Variants in ADAM12 observed in about 807,000 individuals in gnomAD.
ADAM12 encodes the protein disintegrin and metalloproteinase domain-containing protein 12.
A neutral mutation model predicts 106.4 loss-of-function variants in ADAM12; 70 were observed. The observed-to-expected ratio is 0.66, with a 90% CI of 0.54 to 0.80. The LOEUF (loss-of-function observed/expected upper bound fraction) is 0.80. Ranked by LOEUF, ADAM12 falls within the 30% of genes least tolerant of loss-of-function variation. The pLI is 0.00. For synonymous variants in ADAM12, 420 were observed against 433.5 expected (o/e 0.97, Z 0.39); for missense variants, 1,010 against 1,171.9 (o/e 0.86, Z 2.02).
At chr10:126,257,151 C>T (rs374850394) in intron 3 of ADAM12, among the ~76,000 whole-genome samples, 1 of 152,204 alleles carries the variant, frequency 6.6e-6, no homozygotes, top group African/African-American at 2.4e-5. Flanking sequence ...TTCCCTTTCA[C>T]TTGACAGCAA....
At position 126,014,777 on chromosome 10, in the gene ADAM12, G is replaced by A. The variant is rs1375832798; in HGVS notation, c.*2502C>T. On this transcript the variant is annotated 3_prime_UTR_variant, in exon 23 of 23. Coordinates refer to ENST00000448723, the MANE Select transcript of ADAM12 (RefSeq NM_001288973.2). ...TGTGTCTAGTCACATTGACTTTCCAGGTGATGGCCCTACAAAACTCAAACC... is the reference window on the plus strand; with the variant it reads ...TGTGTCTAGTCACATTGACTTTCCAAGTGATGGCCCTACAAAACTCAAACC... The A allele has an allele frequency of 2.0e-5, 3 of 152,028 alleles. No individual in the cohort carries two copies. The highest frequency in any genetic ancestry group is 2.9e-5 in the Non-Finnish European group (2 of 68,022). 9.4% of individuals were successfully genotyped at this position (152,028 alleles called of 1,614,324 possible). A position where few individuals can be genotyped will look rare whatever the true frequency, so the allele number is the denominator to read the frequency against.
chr10:126,051,520 TCCAG>T (rs1296821421), intron 14 of ADAM12, among the ~76,000 whole-genome samples: 1 of 138,612 alleles, frequency 7.2e-6, no homozygotes, highest in Non-Finnish European at 1.6e-5. Context: ...CATCCATCCA[TCCAG>T]CCAGCCAGCC....
At chr10:126,382,550 A>G (rs1856532493) in intron 1 of ADAM12, among the ~76,000 whole-genome samples, 1 of 152,212 alleles carries the variant, frequency 6.6e-6, no homozygotes, top group South Asian at 2.1e-4. Context: ...TCTTCCTTGG[A>G]GAAATTGACC....
rs1270838218 is a variant in ADAM12, at chr10:126,014,037, G to A, written c.*3242C>T. ...TGCCGTGGGCCCCCCGAATACATAG[G>A]GGAGCCCTGCAAAGCAGTTTTGAAA... is the stretch of plus-strand genomic sequence containing the variant. On this transcript the variant is annotated 3_prime_UTR_variant, in exon 23 of 23. Coordinates refer to ENST00000448723, the MANE Select transcript of ADAM12 (RefSeq NM_001288973.2). 6.6e-6 allele frequency: 1 copy of A among 152,196 alleles called. No homozygotes were observed. The highest frequency in any genetic ancestry group is 2.4e-5 in the African/African-American group (1 of 41,428). 9.4% of individuals were successfully genotyped at this position (152,196 alleles called of 1,614,324 possible).
intron 11 of ADAM12, among the ~76,000 whole-genome samples, chr10:126,088,153 C>T (rs932331922): frequency 2.0e-5 from 3 of 152,268 alleles, no homozygotes; most frequent in Admixed American, 1.3e-4. Flanking sequence ...GCTTGATACC[C>T]GGACTGTGTA....
intron 3 of ADAM12, among the ~76,000 whole-genome samples, chr10:126,232,932 GAGGA>G (rs1565155351): frequency 6.6e-6 from 1 of 152,184 alleles, no homozygotes; most frequent in Non-Finnish European, 1.5e-5. Context: ...GATGGAGGCA[GAGGA>G]AGGAAGGACG....
At chr10:126,323,262 G>A (rs1021336813) in intron 2 of ADAM12, among the ~76,000 whole-genome samples, 2 of 152,188 alleles carry the variant, frequency 1.3e-5, no homozygotes, top group African/African-American at 4.8e-5. Flanking sequence ...CATCTAGCCT[G>A]AGCAACTCCT....
chr10:126,177,638 A>G (rs978939325), intron 3 of ADAM12, among the ~76,000 whole-genome samples: 3 of 152,234 alleles, frequency 2.0e-5, no homozygotes, highest in African/African-American at 4.8e-5. Context: ...ACAAAAGTAA[A>G]CAACATTTTG....
intron 6 of ADAM12, among the ~76,000 whole-genome samples, chr10:126,111,669 G>A (rs1037893855): frequency 6.6e-6 from 1 of 152,156 alleles, no homozygotes; most frequent in Non-Finnish European, 1.5e-5. Flanking sequence ...CACAATTCCA[G>A]ATAATAAAAA....
chr10:126,351,928 T>C (rs184492689), intron 1 of ADAM12, among the ~76,000 whole-genome samples: 18 of 152,228 alleles, frequency 1.2e-4, no homozygotes, highest in Admixed American at 2.0e-4. Context: ...CGGGTCACTA[T>C]AGGACTCCGG....
intron 3 of ADAM12, among the ~76,000 whole-genome samples, chr10:126,257,966 C>G (rs1231358662): frequency 6.6e-6 from 1 of 152,102 alleles, no homozygotes; most frequent in Non-Finnish European, 1.5e-5. Flanking sequence ...TATTTGGCAA[C>G]CTCAAATAGA....
intron 2 of ADAM12, among the ~76,000 whole-genome samples, chr10:126,321,904 T>TAG (rs371286030): frequency 1.1e-5 from 1 of 88,702 alleles, no homozygotes; most frequent in Non-Finnish European, 2.4e-5. Context: ...TACCTGGGGG[T>TAG]CGGGGGGGGG....
intron 3 of ADAM12, among the ~76,000 whole-genome samples, chr10:126,175,606 T>C (rs1545693): frequency 0.53 from 80,794 of 152,104 alleles, 23,026 homozygotes; most frequent in African/African-American, 0.75. Context: ...AATCGAGGAA[T>C]GGTACAAGGA....
At position 126,143,463 on chromosome 10, in the gene ADAM12, TA is replaced by T. The variant is rs200187453; in HGVS notation, c.340-7804del. Among the ~76,000 whole-genome samples the T allele has an allele frequency of 6.2e-3, 935 of 151,694 alleles. 13 individuals are homozygous for T. The highest frequency in any genetic ancestry group is 0.021 in the African/African-American group (856 of 41,300). On this transcript the variant is annotated intron_variant, in intron 4 of 22. Transcript: ENST00000448723. The stretch of plus-strand genomic sequence containing the variant: ...TGTATATGGTGTGCATGTGTGTGTA[TA>T]TGTATGTGTGTATATGGTGTGCATA...
At position 126,130,579 on chromosome 10, in the gene ADAM12, T is replaced by C. The variant is rs1417123700; in HGVS notation, c.416+5005A>G. ...ATGAGTCTGTGCCTGCTCCTGGGGA[T>C]GCGGGGTGGATGTGGAGACTCAGAC... On this transcript the variant is annotated intron_variant, in intron 5 of 22. Transcript: ENST00000448723. Among the ~76,000 whole-genome samples the C allele has an allele frequency of 2.6e-5, 4 of 152,202 alleles. No individual in the cohort carries two copies. In the South Asian group the frequency reaches 8.3e-4, roughly 31 times the overall value.
chr10:126,275,449 G>C (rs1959218521), intron 3 of ADAM12, among the ~76,000 whole-genome samples: 1 of 152,152 alleles, frequency 6.6e-6, no homozygotes, highest in East Asian at 1.9e-4. Context: ...GTAAATAAAA[G>C]AGATTCCCTG....
chr10:126,156,225 A>G (rs1956812341), intron 3 of ADAM12, among the ~76,000 whole-genome samples: 1 of 145,758 alleles, frequency 6.9e-6, no homozygotes, highest in South Asian at 2.2e-4. Flanking sequence ...GGGAGCGATC[A>G]CAGAGTAGAA....
At chr10:126,134,106 A>G (rs1328058081) in intron 5 of ADAM12, among the ~76,000 whole-genome samples, 1 of 152,236 alleles carries the variant, frequency 6.6e-6, no homozygotes, top group Non-Finnish European at 1.5e-5. Context: ...TTCTGAACGA[A>G]TGAATAACTG....
chr10:126,162,547 C>T (rs1051367589), intron 3 of ADAM12, among the ~76,000 whole-genome samples: 2 of 152,186 alleles, frequency 1.3e-5, no homozygotes, highest in Admixed American at 6.5e-5. Flanking sequence ...CCGCCAAACA[C>T]GGAAGGGACC....
Sources: gnomAD v4.1 joint callset for allele counts (sites outside exome capture counted in the v4.1 genomes callset) on GRCh38, gnomAD v4.1.1 for gene constraint, MANE v1.5 for transcripts, NCBI Gene and HGNC (gene_info 2026-07-23, HGNC 2026-07-21) for gene names.